The following USP34 variants were observed in gnomAD, a reference collection of about 807,000 sequenced individuals.
USP34 encodes the protein ubiquitin specific peptidase 34, also known as ubiquitin carboxyl-terminal hydrolase 34.
A neutral mutation model predicts 460.3 loss-of-function variants in USP34; 70 were observed. That is an observed-to-expected ratio of 0.15 (90% CI 0.13 to 0.19). The LOEUF (loss-of-function observed/expected upper bound fraction) is 0.19. USP34 is among the 10% of genes least tolerant of loss of function. The probability of loss-of-function intolerance (pLI) is 1.00; values close to 1 mark genes in which losing one functional copy is unlikely to be tolerated. For missense variants in USP34, 3,985 were observed against 4,236.2 expected, an observed-to-expected ratio of 0.94 and a Z score of 1.65; for synonymous variants, 1,647 against 1,405.3, an observed-to-expected ratio of 1.17 and a Z score of -3.85.
intron 2 of USP34, among the ~76,000 whole-genome samples, chr2:61,408,224 C>T (rs116645100): frequency 0.01 from 1,575 of 152,280 alleles, 25 homozygotes; most frequent in African/African-American, 0.036. Context: ...TTTTACATGA[C>T]TATGACCTGG....
chr2:61,229,424 C>A (rs1455862268), intron 59 of USP34, 124 bp downstream of exon 59: 1 of 643,272 alleles, frequency 1.6e-6, no homozygotes, highest in Non-Finnish European at 2.4e-6. Context: ...GAGTTTGAGA[C>A]CAGCCTGGGC....
chr2:61,213,759 A>C (rs1687331049), intron 68 of USP34, among the ~76,000 whole-genome samples: 1 of 152,234 alleles, frequency 6.6e-6, no homozygotes, highest in Non-Finnish European at 1.5e-5. Context: ...TGTACCATGA[A>C]GCTGGCTTTT....
In USP34 at chr2:61,220,352, C is replaced by T. The variant is rs1687525059; in HGVS notation, c.8005G>A (p.Glu2669Lys). Reference sequence around the variant, plus strand: ...TAATTGTGAGCCAAAAGAAACCGCTCGACCCAGTTTTCCATATTCTGTAAG... The same window carrying T: ...TAATTGTGAGCCAAAAGAAACCGCTTGACCCAGTTTTCCATATTCTGTAAG... The part of the protein sequence containing the change: ...WVLQNMENWV[E>K]RFLLAHNYPR... Residue 2669 changes from glutamate to lysine, a missense_variant, in exon 67 of 80, where the codon GAG becomes AAG. Around this residue, in one of 14 missense-constraint regions of USP34, gnomAD observed 604 missense variants for 684.8 expected, o/e 0.88. Coordinates refer to ENST00000398571, the MANE Select transcript of USP34 (RefSeq NM_014709.4). The T allele has an allele frequency of 3.7e-6, 6 of 1,613,864 alleles. No homozygotes were observed. The highest frequency in any genetic ancestry group is 2.2e-5 in the East Asian group (1 of 44,850).
chr2:61,241,495 C>CAGTA, intron 53 of USP34, 65 bp downstream of exon 53: 1 of 1,181,824 alleles, frequency 8.5e-7, no homozygotes, highest in Non-Finnish European at 1.2e-6. Flanking sequence ...TCTTACACTA[C>CAGTA]AGTATTCCTT....
intron 1 of USP34, among the ~76,000 whole-genome samples, chr2:61,470,328 A>AGGCGAAGGC (rs1468586991): frequency 7.9e-5 from 12 of 152,006 alleles, no homozygotes; most frequent in Non-Finnish European, 1.6e-4. Flanking sequence ...AGGGCGAAGG[A>AGGCGAAGGC]GGCGAAGGCG....
At chr2:61,453,148 T>C (rs554097448) in intron 1 of USP34, among the ~76,000 whole-genome samples, 3 of 152,248 alleles carry the variant, frequency 2.0e-5, no homozygotes, top group African/African-American at 7.2e-5. Context: ...CTGTGGCTCA[T>C]GCCTATAATC....
At chr2:61,431,636 C>T (rs1694678509) in intron 1 of USP34, among the ~76,000 whole-genome samples, 1 of 152,100 alleles carries the variant, frequency 6.6e-6, no homozygotes, top group African/African-American at 2.4e-5. Context: ...GGGTGGAATA[C>T]CTGAGGTTAG....
chr2:61,199,525 G>A (rs1362294506), intron 75 of USP34, among the ~76,000 whole-genome samples: 1 of 152,144 alleles, frequency 6.6e-6, no homozygotes, highest in Non-Finnish European at 1.5e-5. Context: ...CAAAGTGCTG[G>A]GATTATAGGC....
At chr2:61,286,903 C>T (rs907139350) in intron 34 of USP34, among the ~76,000 whole-genome samples, 8 of 151,568 alleles carry the variant, frequency 5.3e-5, no homozygotes, top group Non-Finnish European at 1.0e-4. Context: ...AAGGAAATTG[C>T]CAATAAAGGT....
chr2:61,344,160 G>C (rs2463102), intron 15 of USP34, 131 bp from the exon 16 acceptor site: 279,221 of 767,650 alleles, frequency 0.36, 51,947 homozygotes, highest in African/African-American at 0.39. Flanking sequence ...TAACAATATG[G>C]AATGTTGAGA....
At chr2:61,367,040 A>T (rs1259395170) in intron 10 of USP34, among the ~76,000 whole-genome samples, 1 of 152,164 alleles carries the variant, frequency 6.6e-6, no homozygotes, top group Non-Finnish European at 1.5e-5. Flanking sequence ...CAGAACAAAC[A>T]GCAAAGGCAT....
At chr2:61,309,919 A>C (rs984316354) in intron 27 of USP34, among the ~76,000 whole-genome samples, 7 of 152,178 alleles carry the variant, frequency 4.6e-5, no homozygotes, top group Admixed American at 2.0e-4. Context: ...CATCTTCTGC[A>C]ATCCTTTATC....
chr2:61,294,387 A>G (rs1689959478), intron 32 of USP34, among the ~76,000 whole-genome samples: 1 of 152,088 alleles, frequency 6.6e-6, no homozygotes, highest in Admixed American at 6.5e-5. Flanking sequence ...AAAAGCCTAT[A>G]AACATCTTTC....
At chr2:61,446,410 T>C (rs1222732226) in intron 1 of USP34, among the ~76,000 whole-genome samples, 1 of 152,218 alleles carries the variant, frequency 6.6e-6, no homozygotes, top group Non-Finnish European at 1.5e-5. Flanking sequence ...TATTTTCTTC[T>C]TCAATATTAC....
chr2:61,317,630 A>G lies in USP34; in HGVS notation c.3282+24T>C, dbSNP rs756885770. 1.9e-6 allele frequency: 3 copies of G among 1,568,024 alleles called. No individual in the cohort carries two copies. The South Asian group carries it at 3.5e-5, about 18-fold the overall frequency. On this transcript the variant is annotated intron_variant, in intron 23 of 79. Transcript: ENST00000398571. ...TCTAATTTGAGGAATAAAGTTGCCT[A>G]ATAAAGTAAGTCTAAATCCATACCT... is the stretch of plus-strand genomic sequence containing the variant.
In USP34 at chr2:61,301,064, T is replaced by A; in HGVS notation, c.4015A>T (p.Ile1339Phe). 1 of 1,614,068 alleles carries A rather than the reference T, an allele frequency of 6.2e-7. No homozygotes were observed. ...SCLPPPQKDN[I>F]PMLLLLQEPH... is the part of the protein sequence containing the mutation. Reference sequence around the variant, plus strand: ...TCTTGTAAAAGCAAAAGCATTGGAATGTTGTCCTTCTGAGGGGGTGGGAGG... The same window carrying A: ...TCTTGTAAAAGCAAAAGCATTGGAAAGTTGTCCTTCTGAGGGGGTGGGAGG... The change falls in exon 29 of 80, where the codon ATT (isoleucine) becomes TTT (phenylalanine). Residue 1339 changes from isoleucine (I) to phenylalanine (F), a missense_variant. Coordinates refer to ENST00000398571, the MANE Select transcript of USP34 (RefSeq NM_014709.4).
chr2:61,286,696 T>A (rs886497603), intron 34 of USP34, among the ~76,000 whole-genome samples: 1 of 151,832 alleles, frequency 6.6e-6, no homozygotes. Flanking sequence ...TAGAAAAAAA[T>A]CTCTGAAAAG....
At chr2:61,410,520 G>C (rs1694006215) in intron 2 of USP34, among the ~76,000 whole-genome samples, 1 of 152,202 alleles carries the variant, frequency 6.6e-6, no homozygotes, top group South Asian at 2.1e-4. Context: ...TGTGGCCCAG[G>C]GGCTGGGGAC....
At chr2:61,358,550 CT>C (rs1558548192) in intron 10 of USP34, among the ~76,000 whole-genome samples, 1 of 152,086 alleles carries the variant, frequency 6.6e-6, no homozygotes, top group Non-Finnish European at 1.5e-5. Flanking sequence ...ATATTTCCCC[CT>C]AAGATCAGAA....
Sources: allele counts gnomAD v4.1 joint callset (sites outside exome capture counted in the v4.1 genomes callset), GRCh38; gene constraint gnomAD v4.1.1; regional missense constraint gnomAD v4.1.1; transcripts MANE v1.5; gene names NCBI Gene and HGNC (gene_info 2026-07-23, HGNC 2026-07-21).